The following MGAT4C variants were observed in gnomAD, a reference collection of about 807,000 sequenced individuals.
The protein encoded by MGAT4C is MGAT4 family member C, also known as alpha-1,3-mannosyl-glycoprotein 4-beta-N-acetylglucosaminyltransferase C.
Under a neutral mutation model 40.1 loss-of-function variants are expected in MGAT4C, and 19 were observed. That is an observed-to-expected ratio of 0.47 (90% CI 0.33 to 0.70). MGAT4C has a LOEUF of 0.70. Ranked by LOEUF, MGAT4C falls within the 30% of genes least tolerant of loss-of-function variation. MGAT4C has a pLI of 0.02. For synonymous variants in MGAT4C, 181 were observed against 187.1 expected (o/e 0.97, Z 0.27); for missense variants, 491 against 563.2 (o/e 0.87, Z 1.30).
intron 2 of MGAT4C, chr12:86,002,363 G>A (rs148775435): frequency 2.6e-4 from 40 of 152,240 alleles, no homozygotes; most frequent in African/African-American, 8.4e-4. Context: ...TTGCATGTAT[G>A]GGCAAAAGAA....
intron 1 of MGAT4C, among the ~76,000 whole-genome samples, chr12:86,104,827 T>A (rs1402973993): frequency 6.7e-6 from 1 of 150,282 alleles, no homozygotes; most frequent in African/African-American, 2.5e-5. Context: ...AACACTTAGG[T>A]AACATATTAA....
At chr12:86,563,870 A>C (rs566988866) in intron 2 of MGAT4C, among the ~76,000 whole-genome samples, 1 of 152,252 alleles carries the variant, frequency 6.6e-6, no homozygotes, top group East Asian at 1.9e-4. Flanking sequence ...TCCTGTGGTC[A>C]TTTCCCCAGT....
At chr12:86,724,143 T>G (rs1454717455) in intron 2 of MGAT4C, among the ~76,000 whole-genome samples, 1 of 152,218 alleles carries the variant, frequency 6.6e-6, no homozygotes, top group Non-Finnish European at 1.5e-5. Context: ...ATATATCTTT[T>G]AAGTATGAAA....
chr12:86,314,650 T>G (rs988109847), intron 4 of MGAT4C, among the ~76,000 whole-genome samples: 1 of 152,196 alleles, frequency 6.6e-6, no homozygotes, highest in African/African-American at 2.4e-5. Flanking sequence ...CAATAATCAG[T>G]AGCATTTCAG....
chr12:86,179,674 CT>C (rs1887893101), intron 1 of MGAT4C, among the ~76,000 whole-genome samples: 1 of 152,150 alleles, frequency 6.6e-6, no homozygotes, highest in South Asian at 2.1e-4. Context: ...CATTTAGCCC[CT>C]GCCCTAGAGA....
Position 85,962,665 on chromosome 12 carries a change from C to A in MGAT4C, c.*16624G>T, listed in dbSNP as rs1330072191. ...CATTCAACTTGTAATGAACTGTAAA[C>A]TTCACCCATAACATTATTAATATAT... On this transcript the variant is annotated 3_prime_UTR_variant, in exon 5 of 5. Transcript: ENST00000611864. 1 of 150,830 alleles carries A rather than the reference C, an allele frequency of 6.6e-6. No individual in the cohort carries two copies. The highest frequency in any genetic ancestry group is 2.4e-5 in the African/African-American group (1 of 41,248). The allele number at this position is 150,830 out of a possible 1,614,324, so 9.3% of individuals were successfully genotyped here.
chr12:86,375,369 T>A (rs1294101170), intron 3 of MGAT4C, among the ~76,000 whole-genome samples: 1 of 152,106 alleles, frequency 6.6e-6, no homozygotes, highest in Non-Finnish European at 1.5e-5. Context: ...CATTTTCAGA[T>A]CATCTCAAAA....
chr12:86,697,351 A>G (rs1950276838), intron 2 of MGAT4C, among the ~76,000 whole-genome samples: 1 of 152,128 alleles, frequency 6.6e-6, no homozygotes, highest in Non-Finnish European at 1.5e-5. Context: ...TGATGATATT[A>G]AAGTGGAACA....
At chr12:86,233,232 G>A (rs1241476952) in intron 1 of MGAT4C, among the ~76,000 whole-genome samples, 1 of 152,166 alleles carries the variant, frequency 6.6e-6, no homozygotes, top group Non-Finnish European at 1.5e-5. Context: ...TTCTTCATAA[G>A]CAGCTTATAT....
At chr12:86,491,915 A>AT (rs1958145356) in intron 2 of MGAT4C, among the ~76,000 whole-genome samples, 1 of 152,096 alleles carries the variant, frequency 6.6e-6, no homozygotes, top group Non-Finnish European at 1.5e-5. Flanking sequence ...TCAGCCCAAA[A>AT]TCTCCTTAAG....
At chr12:86,704,943 TC>T (rs1286779273) in intron 2 of MGAT4C, among the ~76,000 whole-genome samples, 1 of 152,110 alleles carries the variant, frequency 6.6e-6, no homozygotes, top group Non-Finnish European at 1.5e-5. Context: ...TCCATATTTT[TC>T]TCCCACCTTT....
At chr12:86,481,704 C>T (rs963987678) in intron 2 of MGAT4C, among the ~76,000 whole-genome samples, 1 of 151,710 alleles carries the variant, frequency 6.6e-6, no homozygotes, top group Admixed American at 6.6e-5. Flanking sequence ...GAAAATAAAT[C>T]ATATTGAAAA....
chr12:86,434,082 G>A (rs1052308784), intron 3 of MGAT4C, among the ~76,000 whole-genome samples: 16 of 151,942 alleles, frequency 1.1e-4, no homozygotes, highest in African/African-American at 3.6e-4. Context: ...GGCTATTCTG[G>A]TGTAAACTCC....
rs748624691 is a variant in MGAT4C, at chr12:86,242,699, G to GA, written c.-57+13539dup. 1.3e-4 allele frequency among the ~76,000 whole-genome samples: 20 copies of GA among 152,202 alleles called. No homozygotes were observed. The East Asian group carries it at 2.9e-3, about 22-fold the overall frequency. ...GAATAAAAGAGAGGGAAAAATGGAG[G>GA]AAGGGGGTGGCTGAAAACCTAGCTG... On this transcript the variant is annotated intron_variant, in intron 1 of 4. Transcript: ENST00000611864.
At chr12:86,360,526 G>A (rs1955438746) in intron 3 of MGAT4C, among the ~76,000 whole-genome samples, 1 of 152,126 alleles carries the variant, frequency 6.6e-6, no homozygotes, top group Non-Finnish European at 1.5e-5. Flanking sequence ...TATTCAATTA[G>A]GAAAAGAGGA....
chr12:86,395,051 T>C (rs1956233841), intron 3 of MGAT4C, among the ~76,000 whole-genome samples: 2 of 151,968 alleles, frequency 1.3e-5, no homozygotes, highest in African/African-American at 4.8e-5. Flanking sequence ...CTAAGAGCTT[T>C]AGGAAAAAAA....
chr12:86,055,972 C>T (rs1192291331), intron 1 of MGAT4C, among the ~76,000 whole-genome samples: 1 of 152,002 alleles, frequency 6.6e-6, no homozygotes, highest in Non-Finnish European at 1.5e-5. Context: ...AGAAAAGTAG[C>T]CATTCATTGA....
In MGAT4C at chr12:85,962,413, A is replaced by C. The variant is rs1303137682; in HGVS notation, c.*16876T>G. 2 of 147,846 alleles carry C rather than the reference A, an allele frequency of 1.4e-5. No individual in the cohort carries two copies. Among genetic ancestry groups the C allele is most frequent in the African/African-American group, 4.9e-5 (2 of 40,846 alleles). 9.2% of individuals were successfully genotyped at this position (147,846 alleles called of 1,614,324 possible). ...GTAAAATTATATAATTAATTATATA[A>C]TTATATAATTATATAAAATTTTATA... is the stretch of plus-strand genomic sequence containing the variant. On this transcript the variant is annotated 3_prime_UTR_variant, in exon 5 of 5. Coordinates refer to ENST00000611864, the MANE Select transcript of MGAT4C (RefSeq NM_001351288.2).
At chr12:86,723,162 C>A (rs1056563689) in intron 2 of MGAT4C, among the ~76,000 whole-genome samples, 1 of 152,126 alleles carries the variant, frequency 6.6e-6, no homozygotes, top group African/African-American at 2.4e-5. Context: ...GAATATCAAA[C>A]AACTAATGTT....
Sources: allele counts gnomAD v4.1 joint callset (sites outside exome capture counted in the v4.1 genomes callset), GRCh38; gene constraint gnomAD v4.1.1; transcripts MANE v1.5; gene names NCBI Gene and HGNC (gene_info 2026-07-23, HGNC 2026-07-21).